The following GLIS1 variants were observed in gnomAD, a reference collection of about 807,000 sequenced individuals.
GLIS1 encodes the protein GLIS family zinc finger 1, also known as zinc finger protein GLIS1.
A neutral mutation model predicts 63.8 loss-of-function variants in GLIS1; 24 were observed. That is an observed-to-expected ratio of 0.38 (90% CI 0.27 to 0.53). The LOEUF (loss-of-function observed/expected upper bound fraction) is 0.53. Ranked by LOEUF, GLIS1 falls within the 20% of genes least tolerant of loss-of-function variation. The pLI is 0.85. For missense variants in GLIS1, 1,036 were observed against 1,074.1 expected (o/e 0.96, Z 0.50); for synonymous variants, 450 against 482.5 (o/e 0.93, Z 0.88).
chr1:53,595,119 G>A (rs886963873), intron 3 of GLIS1, 129 bp from the exon 4 acceptor site: 1 of 730,048 alleles, frequency 1.4e-6, no homozygotes, highest in Non-Finnish European at 2.0e-6. Flanking sequence ...AGAGGCTGAG[G>A]GCTAGAGGCA....
In GLIS1 at chr1:53,509,868, C is replaced by T. The variant is rs1339674415; in HGVS notation, c.2043G>A (p.Pro681=). 3.9e-6 allele frequency: 5 copies of T among 1,297,414 alleles called. No homozygotes were observed. The highest frequency in any genetic ancestry group is 2.8e-5 in the East Asian group (1 of 35,338). 80.4% of individuals were successfully genotyped at this position (1,297,414 alleles called of 1,614,324 possible). The change falls in exon 9 of 11, where the codon CCG becomes CCA. Residue 681 remains proline (P), a synonymous_variant. Transcript: ENST00000628545. ...SYPPFQSPPP[P]PLPSPQGYQG... is the part of the protein sequence containing the mutation. ...GCTTACCTTGTGGGCTGGGCAGAGGCGGGGGTGGAGGGCTCTGGAAGGGTG... is the reference window on the plus strand; with the variant it reads ...GCTTACCTTGTGGGCTGGGCAGAGGTGGGGGTGGAGGGCTCTGGAAGGGTG...
At chr1:53,712,388 G>A (rs955404559) in intron 2 of GLIS1, among the ~76,000 whole-genome samples, 2 of 152,218 alleles carry the variant, frequency 1.3e-5, no homozygotes, top group Non-Finnish European at 2.9e-5. Context: ...GGCCCAGAAT[G>A]CCTTCCTCCC....
At chr1:53,578,870 C>T (rs540713428) in intron 4 of GLIS1, among the ~76,000 whole-genome samples, 1 of 152,168 alleles carries the variant, frequency 6.6e-6, no homozygotes, top group South Asian at 2.1e-4. Context: ...CCTCCACCTA[C>T]CCCTTTTCAC....
intron 2 of GLIS1, among the ~76,000 whole-genome samples, chr1:53,675,007 T>C (rs1284365483): frequency 3.9e-5 from 6 of 152,152 alleles, no homozygotes; most frequent in African/African-American, 1.4e-4. Flanking sequence ...GCAGGGACAG[T>C]CTGCCTGCAC....
chr1:53,536,019 G>A (rs17108689), intron 4 of GLIS1, among the ~76,000 whole-genome samples: 1,602 of 152,232 alleles, frequency 0.011, 40 homozygotes, highest in African/African-American at 0.033. Flanking sequence ...ATGAATCAGG[G>A]TGAGCTCATT....
At chr1:53,630,117 ATTAT>A (rs2100238843) in intron 2 of GLIS1, among the ~76,000 whole-genome samples, 1 of 152,312 alleles carries the variant, frequency 6.6e-6, no homozygotes, top group East Asian at 1.9e-4. Flanking sequence ...ATTGACATTT[ATTAT>A]TTGTTACACT....
At position 53,598,535 on chromosome 1, in the gene GLIS1, A is replaced by C. The variant is rs1335525573; in HGVS notation, c.437+1566T>G. On this transcript the variant is annotated intron_variant, in intron 3 of 10. Coordinates refer to ENST00000628545, the MANE Select transcript of GLIS1 (RefSeq NM_001367484.1). The surrounding 1 kb of genome is among the most constrained non-coding windows in gnomAD (Gnocchi z 4.6). ...GGGTGACAGAGTCAGACCCTGTCTC[A>C]AAAAAAAAAAAGGAGGAATTAGGGC... is the stretch of plus-strand genomic sequence containing the variant. Among the ~76,000 whole-genome samples, 2 of 141,000 alleles carry C rather than the reference A, an allele frequency of 1.4e-5. No individual in the cohort carries two copies. The highest frequency in any genetic ancestry group is 3.1e-5 in the Non-Finnish European group (2 of 65,468). 92.5% of individuals were successfully genotyped at this position (141,000 alleles called of 152,430 possible). A position where few individuals can be genotyped will look rare whatever the true frequency, so the allele number is the denominator to read the frequency against.
chr1:53,556,728 T>C (rs1020037420), intron 4 of GLIS1, among the ~76,000 whole-genome samples: 5 of 150,844 alleles, frequency 3.3e-5, no homozygotes, highest in African/African-American at 1.2e-4. Flanking sequence ...TGTGTGCAGG[T>C]GTACTGGAGG....
rs79807685 is a variant in GLIS1 at position 53,715,056 on chromosome 1, A to G, written c.259+22750T>C. On this transcript the variant is annotated intron_variant, in intron 2 of 10. Transcript: ENST00000628545. The stretch of plus-strand genomic sequence containing the variant: ...CTCAGCCTCCCAAGTATTAGGGACT[A>G]CAGGTGCATGCCACCAGGTTCACTT... 1.5e-4 allele frequency among the ~76,000 whole-genome samples: 23 copies of G among 152,308 alleles called. 1 individual carries two copies. In the East Asian group the frequency reaches 4.4e-3, roughly 29 times the overall value.
intron 2 of GLIS1, among the ~76,000 whole-genome samples, chr1:53,605,232 G>A (rs1230049705): frequency 6.6e-6 from 1 of 152,112 alleles, no homozygotes; most frequent in Non-Finnish European, 1.5e-5. Context: ...CCTTCAGCCT[G>A]GCTCTGGGGC....
At chr1:53,540,830 C>T (rs1239138810) in intron 4 of GLIS1, among the ~76,000 whole-genome samples, 4 of 152,178 alleles carry the variant, frequency 2.6e-5, no homozygotes, top group Non-Finnish European at 4.4e-5. Flanking sequence ...CTGGGGAGGG[C>T]GGAGGCCAGA....
intron 2 of GLIS1, among the ~76,000 whole-genome samples, chr1:53,727,237 ATATGATT>A (rs1348809274): frequency 6.6e-6 from 1 of 152,224 alleles, no homozygotes; most frequent in Non-Finnish European, 1.5e-5. Context: ...TGAATGAATA[ATATGATT>A]TCTGGAAAGC....
intron 2 of GLIS1, among the ~76,000 whole-genome samples, chr1:53,667,245 G>A (rs1315916099): frequency 2.6e-5 from 4 of 152,232 alleles, no homozygotes; most frequent in African/African-American, 9.6e-5. Context: ...GTTCACTCCA[G>A]GTGTATCAAC....
chr1:53,649,342 G>A (rs1322701525), intron 2 of GLIS1, among the ~76,000 whole-genome samples: 1 of 152,198 alleles, frequency 6.6e-6, no homozygotes, highest in Non-Finnish European at 1.5e-5. Flanking sequence ...CTGTACGACT[G>A]CAGCTATGTC....
intron 2 of GLIS1, among the ~76,000 whole-genome samples, chr1:53,607,325 C>T (rs1645381315): frequency 1.3e-5 from 2 of 152,150 alleles, no homozygotes; most frequent in South Asian, 2.1e-4. Flanking sequence ...GGCCAGGGTA[C>T]ACTGGCGTGA....
At chr1:53,523,727 C>T (rs912919247) in intron 6 of GLIS1, among the ~76,000 whole-genome samples, 1 of 152,216 alleles carries the variant, frequency 6.6e-6, no homozygotes, top group African/African-American at 2.4e-5. Context: ...TGCCATGGCC[C>T]AGTCCCCTCA....
At chr1:53,517,123 A>G (rs1644360636) in intron 7 of GLIS1, among the ~76,000 whole-genome samples, 1 of 152,116 alleles carries the variant, frequency 6.6e-6, no homozygotes. Flanking sequence ...GTCACAGAGT[A>G]GGCGGCTCAT....
At chr1:53,726,932 CAA>C (rs1646811556) in intron 2 of GLIS1, among the ~76,000 whole-genome samples, 1 of 152,344 alleles carries the variant, frequency 6.6e-6, no homozygotes, top group East Asian at 1.9e-4. Context: ...TCTCCACTCA[CAA>C]AGACTAACAA....
chr1:53,558,774 A>G (rs1644857769), intron 4 of GLIS1, among the ~76,000 whole-genome samples: 2 of 152,266 alleles, frequency 1.3e-5, no homozygotes, highest in African/African-American at 4.8e-5. Context: ...TGGCTGGGAC[A>G]TTTACCCTGC....
Sources: gnomAD v4.1 joint callset for allele counts (sites outside exome capture counted in the v4.1 genomes callset) on GRCh38, gnomAD v4.1.1 for gene constraint, Gnocchi (gnomAD v3.1) non-coding constraint, MANE v1.5 for transcripts, NCBI Gene and HGNC (gene_info 2026-07-23, HGNC 2026-07-21) for gene names.